PGS1: variants seen among roughly 807,000 people sequenced by gnomAD.
PGS1 encodes the protein CDP-diacylglycerol--glycerol-3-phosphate 3-phosphatidyltransferase, mitochondrial.
PGS1 carries 44 observed loss-of-function variants against 58.3 expected under a neutral mutation model. That is an observed-to-expected ratio of 0.75 (90% CI 0.59 to 0.97). PGS1 has a LOEUF of 0.97. PGS1 is among the 50% of genes least tolerant of loss of function. The pLI is 0.00. For missense variants in PGS1, 684 were observed against 731.1 expected, an observed-to-expected ratio of 0.94 and a Z score of 0.74; for synonymous variants, 330 against 311.0, an observed-to-expected ratio of 1.06 and a Z score of -0.64.
intron 1 of PGS1, among the ~76,000 whole-genome samples, chr17:78,390,062 T>TCCCCCCCCCCCCCCCCCCCCCGCC (rs1555628316): frequency 8.6e-5 from 11 of 128,572 alleles, no homozygotes; most frequent in African/African-American, 1.2e-4. Flanking sequence ...TGTTGCCTGT[T>TCCCCCCCCCCCCCCCCCCCCCGCC]CCCCCGCCCC....
intron 1 of PGS1, among the ~76,000 whole-genome samples, chr17:78,390,510 C>T (rs1014988943): frequency 7.2e-5 from 11 of 152,196 alleles, no homozygotes; most frequent in African/African-American, 2.7e-4. Context: ...TGTGCAGGGA[C>T]ATTTACGAAG....
chr17:78,379,272 G>T (rs1015497849), intron 1 of PGS1, among the ~76,000 whole-genome samples: 1 of 152,122 alleles, frequency 6.6e-6, no homozygotes, highest in Non-Finnish European at 1.5e-5. Context: ...CACCGTTGCT[G>T]GGATTTTGTG....
intron 1 of PGS1, among the ~76,000 whole-genome samples, chr17:78,385,497 G>T (rs1259308921): frequency 6.6e-6 from 1 of 152,204 alleles, no homozygotes; most frequent in Non-Finnish European, 1.5e-5. Flanking sequence ...CACCATGTTA[G>T]CCAGGATGGT....
At chr17:78,422,552 G>C (rs932870260) in intron 9 of PGS1, among the ~76,000 whole-genome samples, 6 of 125,130 alleles carry the variant, frequency 4.8e-5, no homozygotes, top group Non-Finnish European at 1.1e-4. Context: ...AGGCTGGAGT[G>C]AGTGGCATGA....
rs376062298 is a variant in PGS1, at chr17:78,398,405, C to G, written c.511+54C>G. 240 of 1,203,326 alleles carry G rather than the reference C, an allele frequency of 2.0e-4. No individual in the cohort carries two copies. In the South Asian group the frequency reaches 2.7e-3, roughly 14 times the overall value. The allele number at this position is 1,203,326 out of a possible 1,614,324, so 74.5% of individuals were successfully genotyped here. ...TGCTTCCTGTGTCAGATCCTCAGTC[C>G]CAAGAGGGGTTACTGTCACCCCCTC... On this transcript the variant is annotated intron_variant, in intron 4 of 9. Coordinates refer to ENST00000262764, the MANE Select transcript of PGS1 (RefSeq NM_024419.5).
chr17:78,419,834 A>G lies in PGS1; in HGVS notation c.*10+159A>G, dbSNP rs566857716. Reference sequence around the variant, plus strand: ...TTCAGGGGTATGGCAGCTGTCCTCAAAGTTAGAAGCTGGATGCTAAATTAG... The same window carrying G: ...TTCAGGGGTATGGCAGCTGTCCTCAGAGTTAGAAGCTGGATGCTAAATTAG... On this transcript the variant is annotated intron_variant, in intron 9 of 9. Coordinates refer to ENST00000262764, the MANE Select transcript of PGS1 (RefSeq NM_024419.5). 127 of 1,413,542 alleles carry G rather than the reference A, an allele frequency of 9.0e-5. 1 individual carries two copies. In the African/African-American group the frequency reaches 1.5e-3, roughly 17 times the overall value. The allele number at this position is 1,413,542 out of a possible 1,614,324, so 87.6% of individuals were successfully genotyped here. A position where few individuals can be genotyped will look rare whatever the true frequency, so the allele number is the denominator to read the frequency against.
At chr17:78,419,185 T>C (rs2146342300) in intron 8 of PGS1, among the ~76,000 whole-genome samples, 1 of 152,252 alleles carries the variant, frequency 6.6e-6, no homozygotes, top group South Asian at 2.1e-4. Flanking sequence ...TTTTTAGAAT[T>C]TTTTCATAGA....
chr17:78,420,733 A>T (rs545136656), intron 9 of PGS1: 1 of 152,300 alleles, frequency 6.6e-6, no homozygotes, highest in South Asian at 2.1e-4. Flanking sequence ...TTTTCATTTT[A>T]TTTGAATAGT....
At chr17:78,381,406 C>T (rs2082027685) in intron 1 of PGS1, among the ~76,000 whole-genome samples, 1 of 152,058 alleles carries the variant, frequency 6.6e-6, no homozygotes, top group Admixed American at 6.6e-5. Flanking sequence ...ATGCTTTGAC[C>T]GGTATTGAGT....
chr17:78,394,866 GT>G (rs2083110793), intron 2 of PGS1, among the ~76,000 whole-genome samples: 2 of 152,186 alleles, frequency 1.3e-5, no homozygotes. Flanking sequence ...GAAGAAACAG[GT>G]TTTTCAAAGG....
Position 78,399,165 on chromosome 17 carries a change from C to T in PGS1, c.512-183C>T, listed in dbSNP as rs1010800117. ...CACGCTGAGGACTTCAGGCCTGAGA[C>T]ATGGCCAGCATGCAGGACAGAGGTT... On this transcript the variant is annotated intron_variant, in intron 4 of 9. Coordinates refer to ENST00000262764, the MANE Select transcript of PGS1 (RefSeq NM_024419.5). 1.7e-5 allele frequency: 10 copies of T among 601,886 alleles called. No homozygotes were observed. In the African/African-American group the frequency reaches 1.9e-4, roughly 11 times the overall value. 37.3% of individuals were successfully genotyped at this position (601,886 alleles called of 1,614,324 possible).
At chr17:78,417,614 C>A (rs1012739812) in intron 8 of PGS1, among the ~76,000 whole-genome samples, 1 of 152,156 alleles carries the variant, frequency 6.6e-6, no homozygotes. Flanking sequence ...TCCTCCCTCC[C>A]GGCCTCCTGA....
intron 8 of PGS1, among the ~76,000 whole-genome samples, chr17:78,416,136 C>T (rs1488431088): frequency 6.6e-6 from 1 of 152,188 alleles, no homozygotes; most frequent in Admixed American, 6.5e-5. Context: ...GGCTTCACGA[C>T]CACGACAGGC....
At chr17:78,393,141 AG>A (rs2082952493) in intron 2 of PGS1, among the ~76,000 whole-genome samples, 2 of 151,716 alleles carry the variant, frequency 1.3e-5, no homozygotes, top group Non-Finnish European at 2.9e-5. Flanking sequence ...GCTCACTGCA[AG>A]CTCCGCCTCT....
intron 9 of PGS1, chr17:78,423,801 G>GA: frequency 6.9e-7 from 1 of 1,451,164 alleles, no homozygotes; most frequent in Non-Finnish European, 9.4e-7. Context: ...TTAAGAGAAC[G>GA]AAAAACCACC....
chr17:78,420,962 A>G (rs751438694), intron 9 of PGS1: 1 of 152,226 alleles, frequency 6.6e-6, no homozygotes, highest in Non-Finnish European at 1.5e-5. Context: ...AGTATCATCA[A>G]ATACCTAAAT....
intron 9 of PGS1, 73 bp downstream of exon 9, chr17:78,419,748 C>G: frequency 6.3e-7 from 1 of 1,593,316 alleles, no homozygotes; most frequent in Non-Finnish European, 8.5e-7. Flanking sequence ...GTTGTTCTGA[C>G]TCAACCAGAG....
chr17:78,417,153 G>A (rs527703847), intron 8 of PGS1, among the ~76,000 whole-genome samples: 9 of 152,300 alleles, frequency 5.9e-5, no homozygotes, highest in South Asian at 4.1e-4. Context: ...GAACAGCGTC[G>A]TAACCTCGTC....
intron 1 of PGS1, among the ~76,000 whole-genome samples, chr17:78,387,624 G>T (rs1486634526): frequency 2.1e-5 from 3 of 145,738 alleles, no homozygotes; most frequent in African/African-American, 7.6e-5. Context: ...TTTTGAGGTG[G>T]AGTTTCGCTC....
Sources: gnomAD v4.1 joint callset for allele counts (sites outside exome capture counted in the v4.1 genomes callset) on GRCh38, gnomAD v4.1.1 for gene constraint, MANE v1.5 for transcripts, NCBI Gene and HGNC (gene_info 2026-07-23, HGNC 2026-07-21) for gene names.